Variants in PROSER1 observed in about 807,000 individuals in gnomAD.
The protein encoded by PROSER1 is proline and serine rich 1, also known as proline and serine-rich protein 1.
PROSER1 carries 36 observed loss-of-function variants against 71.8 expected under a neutral mutation model. The observed-to-expected ratio is 0.50, with a 90% CI of 0.38 to 0.66. The LOEUF (loss-of-function observed/expected upper bound fraction) is 0.66, where lower values mean the gene tolerates loss of function less well. Among genes scored for constraint, PROSER1 ranks in the 30% least tolerant of loss-of-function variants. PROSER1 has a pLI of 0.00. For synonymous variants in PROSER1, 490 were observed against 452.4 expected (o/e 1.08, Z -1.06); for missense variants, 1,107 against 1,135.0 (o/e 0.98, Z 0.35).
At position 39,012,215 on chromosome 13, in the gene PROSER1, T is replaced by C. The variant is rs1408753441; in HGVS notation, c.2580A>G (p.Gln860=). The C allele has an allele frequency of 6.2e-7, 1 of 1,614,068 alleles. No homozygotes were observed. Among genetic ancestry groups the C allele is most frequent in the Admixed American group, 1.7e-5 (1 of 59,992 alleles). ...VAQAGLSSGL[Q]AAGSSVFPGL... ...CTGGAAAAACAGAACTGCCTGCAGC[T>C]TGAAGTCCAGATGATAAACTAAAAC... Residue 860 remains glutamine, a synonymous_variant, in exon 12 of 13, where the codon CAA becomes CAG. Coordinates refer to ENST00000352251, the MANE Select transcript of PROSER1 (RefSeq NM_025138.5).
intron 3 of PROSER1, among the ~76,000 whole-genome samples, chr13:39,031,257 G>A (rs533692104): frequency 4.9e-4 from 75 of 152,280 alleles, no homozygotes; most frequent in Non-Finnish European, 9.0e-4. Context: ...AGACTAAATA[G>A]AAAGATGGTG....
At position 39,012,251 on chromosome 13, in the gene PROSER1, A is replaced by G; in HGVS notation, c.2562-18T>C. On this transcript the variant is annotated intron_variant, in intron 11 of 12. Transcript: ENST00000352251. ...ATGATAAACTAAAACAATTGACAGAAAAACAAGTTAACTGCAGACAAGACA... is the reference window on the plus strand; with the variant it reads ...ATGATAAACTAAAACAATTGACAGAGAAACAAGTTAACTGCAGACAAGACA... 1 of 1,612,062 alleles carries G rather than the reference A, an allele frequency of 6.2e-7. No homozygotes were observed. Among genetic ancestry groups the G allele is most frequent in the Non-Finnish European group, 8.5e-7 (1 of 1,179,110 alleles).
At position 39,034,209 on chromosome 13, in the gene PROSER1, AAC is replaced by A. The variant is rs199807081; in HGVS notation, c.46-15_46-14del. ...CTGTCAAAACAGCCTAAAAAAAAAA[AAC>A]ACACACACACAGAGTAAAACAGCAT... On this transcript the variant is annotated splice_polypyrimidine_tract_variant and intron_variant, in intron 1 of 12. Transcript: ENST00000352251. The A allele has an allele frequency of 1.4e-4, 216 of 1,544,856 alleles. No homozygotes were observed. Among genetic ancestry groups the A allele is most frequent in the Admixed American group, 1.6e-4 (8 of 50,380 alleles).
At chr13:39,028,993 A>AATCTCTAAT (rs1341814502) in intron 4 of PROSER1, 1 of 226,290 alleles carries the variant, frequency 4.4e-6, no homozygotes, top group African/African-American at 2.3e-5. Flanking sequence ...TAAGTGAAAG[A>AATCTCTAAT]ATCTCTAATT....
intron 9 of PROSER1, 124 bp from the exon 10 acceptor site, chr13:39,017,668 A>T (rs1870071382): frequency 1.7e-6 from 1 of 602,062 alleles, no homozygotes; most frequent in East Asian, 3.0e-5. Flanking sequence ...GTTAGGAAAA[A>T]AATGTACACA....
In PROSER1 at chr13:39,013,282, T is replaced by C. The variant is rs1367608914; in HGVS notation, c.1970A>G (p.Asn657Ser). 35 of 1,613,924 alleles carry C rather than the reference T, an allele frequency of 2.2e-5. No individual in the cohort carries two copies. Among genetic ancestry groups the C allele is most frequent in the Non-Finnish European group, 3.0e-5 (35 of 1,180,004 alleles). ...SVPISLSACL[N>S]PALSGLSSLS... ...GCTGGAGAGACCTGACAATGCAGGA[T>C]TAAGGCAAGCAGATAAACTGATGGG... The change falls in exon 11 of 13, where the codon AAT (asparagine) becomes AGT (serine). Residue 657 changes from asparagine to serine, a missense_variant. Transcript: ENST00000352251.
intron 5 of PROSER1, 77 bp downstream of exon 5, chr13:39,028,150 A>T: frequency 1.4e-6 from 1 of 738,712 alleles, no homozygotes; most frequent in Non-Finnish European, 2.4e-6. Context: ...AAAGTTAGTA[A>T]GAAGAAAGGT....
chr13:39,012,331 A>G, intron 11 of PROSER1, 98 bp from the exon 12 acceptor site: 1 of 1,309,582 alleles, frequency 7.6e-7, no homozygotes, highest in Non-Finnish European at 1.1e-6. Context: ...TTAAAAACAA[A>G]ACAAAAACCT....
intron 7 of PROSER1, 169 bp from the exon 8 acceptor site, chr13:39,023,299 GTGGTT>G: frequency 1.8e-6 from 1 of 549,244 alleles, no homozygotes; most frequent in Non-Finnish European, 3.3e-6. Flanking sequence ...TTTAATAAAT[GTGGTT>G]GCTATTAAAT....
In PROSER1 at chr13:39,013,794, G is replaced by C; in HGVS notation, c.1458C>G (p.Ser486=). The C allele has an allele frequency of 1.2e-6, 2 of 1,614,178 alleles. No homozygotes were observed. The change falls in exon 11 of 13, where the codon TCC becomes TCG. Residue 486 remains serine (S), a synonymous_variant. Transcript: ENST00000352251. ...TTGTGACAGCAGAGGATAAAGCAGA[G>C]GAGTTGATTAAATTGGTGTCATTGG... ...LTSNDTNLIN[S]SALSSAVTSG... is the part of the protein sequence containing the mutation.
chr13:39,013,664 T>G lies in PROSER1; in HGVS notation c.1588A>C (p.Thr530Pro), dbSNP rs1593525869. ...APSAIPTPQR[T>P]STPGLALFPG... is the part of the protein sequence containing the mutation. ...AACAGGGCCAACCCTGGAGTGGAAG[T>G]CCTCTGTGGGGTAGGGATGGCTGAT... Residue 530 changes from threonine (T) to proline (P), a missense_variant, in exon 11 of 13, where the codon ACT becomes CCT. Coordinates refer to ENST00000352251, the MANE Select transcript of PROSER1 (RefSeq NM_025138.5). 1 of 1,614,074 alleles carries G rather than the reference T, an allele frequency of 6.2e-7. No homozygotes were observed. Among genetic ancestry groups the G allele is most frequent in the Non-Finnish European group, 8.5e-7 (1 of 1,179,984 alleles).
At chr13:39,015,954 C>A (rs1023854969) in intron 10 of PROSER1, among the ~76,000 whole-genome samples, 2 of 151,996 alleles carry the variant, frequency 1.3e-5, no homozygotes, top group African/African-American at 4.8e-5. Flanking sequence ...TATTTAAGTC[C>A]ATAGGTGTTG....
chr13:39,014,726 G>C (rs1200277452), intron 10 of PROSER1, among the ~76,000 whole-genome samples: 2 of 152,164 alleles, frequency 1.3e-5, no homozygotes, highest in African/African-American at 4.8e-5. Context: ...GTTTTGAGAA[G>C]CTTGCGAAGT....
chr13:39,012,243 T>C lies in PROSER1; in HGVS notation c.2562-10A>G, dbSNP rs144215543. On this transcript the variant is annotated splice_polypyrimidine_tract_variant and intron_variant, in intron 11 of 12. Coordinates refer to ENST00000352251, the MANE Select transcript of PROSER1 (RefSeq NM_025138.5). Reference sequence around the variant, plus strand: ...AAGTCCAGATGATAAACTAAAACAATTGACAGAAAAACAAGTTAACTGCAG... The same window carrying C: ...AAGTCCAGATGATAAACTAAAACAACTGACAGAAAAACAAGTTAACTGCAG... The C allele has an allele frequency of 5.2e-5, 84 of 1,612,588 alleles. No homozygotes were observed. The East Asian group carries it at 7.1e-4, about 14-fold the overall frequency.
At position 39,013,840 on chromosome 13, in the gene PROSER1, G is replaced by A. The variant is rs757436616; in HGVS notation, c.1412C>T (p.Ala471Val). ...PLGVNSPLLSALKGFLTSNDT... is the reference protein window; with the variant it reads ...PLGVNSPLLSVLKGFLTSNDT... ...ATTGGATGTCAGAAAACCTTTTAAC[G>A]CAGACAAAAGAGGACTGTTCACACC... Residue 471 changes from alanine to valine, a missense_variant, in exon 11 of 13, where the codon GCG (alanine) becomes GTG (valine). Physicochemically the swap from Ala to Val is moderately conservative, Grantham distance 64. Coordinates refer to ENST00000352251, the MANE Select transcript of PROSER1 (RefSeq NM_025138.5). The A allele has an allele frequency of 1.4e-5, 23 of 1,614,066 alleles. No homozygotes were observed. Among genetic ancestry groups the A allele is most frequent in the East Asian group, 4.5e-5 (2 of 44,896 alleles).
chr13:39,012,468 TATAA>T (rs1869710782), intron 11 of PROSER1: 1 of 642,246 alleles, frequency 1.6e-6, no homozygotes, highest in Admixed American at 3.2e-5. Context: ...TCTGCTGTCT[TATAA>T]ATAAAACTAT....
Position 39,034,194 on chromosome 13 carries a change from A to G in PROSER1, c.48T>C (p.Ala16=), listed in dbSNP as rs1293187845. 1.3e-6 allele frequency: 2 copies of G among 1,584,194 alleles called. No individual in the cohort carries two copies. The highest frequency in any genetic ancestry group is 8.6e-7 in the Non-Finnish European group (1 of 1,168,564). ...CTTTTAATTTGTATTCTGTCAAAAC[A>G]GCCTAAAAAAAAAAAACACACACAC... ...FEMVLDEIRK[A]VLTEYKLKAI... is the part of the protein sequence containing the mutation. The change falls in exon 2 of 13, where the codon GCT becomes GCC. Residue 16 remains alanine (A), a splice_region_variant and synonymous_variant. Coordinates refer to ENST00000352251, the MANE Select transcript of PROSER1 (RefSeq NM_025138.5).
chr13:39,022,384 T>C lies in PROSER1; in HGVS notation c.672A>G (p.Pro224=), dbSNP rs1325946354. 1.9e-6 allele frequency: 3 copies of C among 1,612,896 alleles called. No individual in the cohort carries two copies. The highest frequency in any genetic ancestry group is 2.5e-6 in the Non-Finnish European group (3 of 1,178,920). The part of the protein sequence containing the change: ...PSAYNNAGLV[P]LANVIAPPPP... Reference sequence around the variant, plus strand: ...GAGGTGGAGCTATGACATTCGCTAATGGTACCAGACCTGCATTGTTATAAG... The same window carrying C: ...GAGGTGGAGCTATGACATTCGCTAACGGTACCAGACCTGCATTGTTATAAG... The change falls in exon 9 of 13, where the codon CCA becomes CCG. Residue 224 remains proline, a synonymous_variant. Transcript: ENST00000352251.
At chr13:39,036,428 A>G (rs1416417442) in intron 1 of PROSER1, among the ~76,000 whole-genome samples, 2 of 152,192 alleles carry the variant, frequency 1.3e-5, no homozygotes, top group African/African-American at 4.8e-5. Flanking sequence ...GCAGCTGACG[A>G]AAGAATAATT....
Sources: gnomAD v4.1 joint callset for allele counts (sites outside exome capture counted in the v4.1 genomes callset) on GRCh38, gnomAD v4.1.1 for gene constraint, MANE v1.5 for transcripts, NCBI Gene and HGNC (gene_info 2026-07-23, HGNC 2026-07-21) for gene names.